PARP14: variants seen among roughly 807,000 people sequenced by gnomAD.
The protein encoded by PARP14 is protein mono-ADP-ribosyltransferase PARP14.
In PARP14, 59 loss-of-function variants were observed where a neutral mutation model predicts 154.2. That is an observed-to-expected ratio of 0.38 (90% CI 0.31 to 0.48). PARP14 has a LOEUF of 0.48. Among genes scored for constraint, PARP14 ranks in the 20% least tolerant of loss-of-function variants. PARP14 has a pLI of 0.98. For synonymous variants in PARP14, 720 were observed against 780.5 expected (o/e 0.92, Z 1.29); for missense variants, 1,734 against 2,131.6 (o/e 0.81, Z 3.67).
At chr3:122,719,031 A>G in intron 14 of PARP14, 73 bp downstream of exon 14, 2 of 1,351,166 alleles carry the variant, frequency 1.5e-6, no homozygotes, top group Non-Finnish European at 1.9e-6. Flanking sequence ...TGGTACGTAC[A>G]TCAGAATTTC....
At chr3:122,720,599 T>TAATCA in intron 15 of PARP14, 2 of 607,494 alleles carry the variant, frequency 3.3e-6, no homozygotes, top group South Asian at 3.7e-5. Context: ...TATTTGATTG[T>TAATCA]AATATGATAG....
At chr3:122,693,597 G>T (rs1360436641) in intron 4 of PARP14, among the ~76,000 whole-genome samples, 2 of 152,140 alleles carry the variant, frequency 1.3e-5, no homozygotes, top group Non-Finnish European at 2.9e-5. Flanking sequence ...CCAGCACTTT[G>T]GGAGGCCAAG....
At chr3:122,703,305 G>C (rs1377362351) in intron 6 of PARP14, among the ~76,000 whole-genome samples, 1 of 152,122 alleles carries the variant, frequency 6.6e-6, no homozygotes, top group Non-Finnish European at 1.5e-5. Context: ...TTTACCCCCA[G>C]TGTAACATTT....
chr3:122,699,595 A>G lies in PARP14; in HGVS notation c.1041A>G (p.Glu347=), dbSNP rs779744569. 1.3e-5 allele frequency: 21 copies of G among 1,613,866 alleles called. No homozygotes were observed. The highest frequency in any genetic ancestry group is 1.7e-5 in the Admixed American group (1 of 60,006). Residue 347 remains glutamate (E), a synonymous_variant, in exon 6 of 17, where the codon GAA becomes GAG. Transcript: ENST00000474629. The stretch of plus-strand genomic sequence containing the variant: ...ACCTCATTGAGGAGATAAACGATGA[A>G]ATGAGGCGTTGTCACTGTGAGCTCA... The part of the protein sequence containing the change: ...KNHLIEEIND[E]MRRCHCELTW...
Position 122,697,171 on chromosome 3 carries a change from C to T in PARP14, c.835+1509C>T, listed in dbSNP as rs540233390. On this transcript the variant is annotated intron_variant, in intron 5 of 16. Transcript: ENST00000474629. ...GTTTCGCCATGTTTCCCAGTCTGGTCTTGAACTCCTGGGCTCAAGCAATAC... is the reference window on the plus strand; with the variant it reads ...GTTTCGCCATGTTTCCCAGTCTGGTTTTGAACTCCTGGGCTCAAGCAATAC... Among the ~76,000 whole-genome samples, 8 of 152,244 alleles carry T rather than the reference C, an allele frequency of 5.3e-5. No individual in the cohort carries two copies. The East Asian group carries it at 5.8e-4, about 11-fold the overall frequency.
At chr3:122,685,427 C>A in intron 2 of PARP14, 109 bp downstream of exon 2, 1 of 1,028,900 alleles carries the variant, frequency 9.7e-7, no homozygotes, top group African/African-American at 1.6e-5. Context: ...AAGCAAACTG[C>A]AGCGAGAAAA....
Position 122,685,219 on chromosome 3 carries a change from G to A in PARP14, c.222G>A (p.Glu74=). The A allele has an allele frequency of 6.2e-7, 1 of 1,613,900 alleles. No homozygotes were observed. Among genetic ancestry groups the A allele is most frequent in the Non-Finnish European group, 8.5e-7 (1 of 1,179,836 alleles). ...RQKVLERKNH[E]LVWQGKGTFK... is the part of the protein sequence containing the mutation. The stretch of plus-strand genomic sequence containing the variant: ...AGGTTCTGGAGAGAAAAAATCATGA[G>A]TTGGTATGGCAAGGAAAAGGAACAT... Residue 74 remains glutamate, a synonymous_variant, in exon 2 of 17, where the codon GAG becomes GAA. Transcript: ENST00000474629.
chr3:122,717,472 G>A (rs1487301332), intron 12 of PARP14, among the ~76,000 whole-genome samples: 1 of 152,144 alleles, frequency 6.6e-6, no homozygotes, highest in African/African-American at 2.4e-5. Context: ...TGAGTGTGGA[G>A]GGAAAGGCTT....
chr3:122,701,277 C>T lies in PARP14; in HGVS notation c.2723C>T (p.Ala908Val). ...GCTGTGCAACTCAGTCTCTGTCTAG[C>T]CGAAAAATACAAGTACCGATCCATA... ...RRAVQLSLCLAEKYKYRSIAI... is the reference protein window; with the variant it reads ...RRAVQLSLCLVEKYKYRSIAI... The change falls in exon 6 of 17, where the codon GCC becomes GTC. Residue 908 changes from alanine (A) to valine (V), a missense_variant. This residue lies in a region of PARP14 where 1,646 missense variants were observed against 1,976.0 expected (regional missense o/e 0.83). Transcript: ENST00000474629. This position sits in a 1 kb window ranked among gnomAD's most constrained non-coding sequence, Gnocchi z 4.0. 1.2e-6 allele frequency: 2 copies of T among 1,613,924 alleles called. No individual in the cohort carries two copies. Among genetic ancestry groups the T allele is most frequent in the Non-Finnish European group, 1.7e-6 (2 of 1,179,854 alleles).
chr3:122,713,457 G>A lies in PARP14; in HGVS notation c.3653G>A (p.Gly1218Asp). Reference protein sequence around the residue: ...FYGTVSSPDSGVYEMKIGSII... With the variant: ...FYGTVSSPDSDVYEMKIGSII... The stretch of plus-strand genomic sequence containing the variant: ...GGGACTGTTTCTAGCCCTGATTCAG[G>A]TGTGTATGAAATGAAGATTGGCTCC... Residue 1218 changes from glycine to aspartate, a missense_variant, in exon 10 of 17, where the codon GGT (glycine) becomes GAT (aspartate). Gly to Asp is a moderately conservative substitution (Grantham distance 94, BLOSUM62 -1). This residue lies in a region of PARP14 where 1,646 missense variants were observed against 1,976.0 expected (regional missense o/e 0.83). Transcript: ENST00000474629. The A allele has an allele frequency of 6.2e-7, 1 of 1,613,652 alleles. No individual in the cohort carries two copies. Among genetic ancestry groups the A allele is most frequent in the South Asian group, 1.1e-5 (1 of 91,054 alleles).
At position 122,681,296 on chromosome 3, in the gene PARP14, C is replaced by CCGGAGGTGGCGG. The variant is rs1341956766; in HGVS notation, c.187+231_187+242dup. Among the ~76,000 whole-genome samples, 9 of 152,232 alleles carry CCGGAGGTGGCGG rather than the reference C, an allele frequency of 5.9e-5. No individual in the cohort carries two copies. The highest frequency in any genetic ancestry group is 1.3e-4 in the Non-Finnish European group (9 of 68,038). ...GCTTCCAGGCGCTTAATGGCGCGGC[C>CCGGAGGTGGCGG]CGGAGGTGGCGGCGGAACCGCGCAA... On this transcript the variant is annotated intron_variant, in intron 1 of 16. Transcript: ENST00000474629. The surrounding 1 kb of genome is among the most constrained non-coding windows in gnomAD (Gnocchi z 5.5).
At chr3:122,705,188 A>G (rs920215391) in intron 8 of PARP14, among the ~76,000 whole-genome samples, 3 of 152,242 alleles carry the variant, frequency 2.0e-5, no homozygotes, top group African/African-American at 7.2e-5. Flanking sequence ...CATAACCACA[A>G]TATTGTATCA....
At chr3:122,725,209 G>A (rs540822123) in intron 15 of PARP14, among the ~76,000 whole-genome samples, 5 of 152,238 alleles carry the variant, frequency 3.3e-5, no homozygotes, top group South Asian at 2.1e-4. Context: ...GGGCAAAGGC[G>A]CTCACTTCCC....
intron 12 of PARP14, among the ~76,000 whole-genome samples, chr3:122,715,076 C>T (rs926194235): frequency 4.0e-5 from 6 of 151,814 alleles, no homozygotes; most frequent in African/African-American, 7.3e-5. Context: ...ATAAGGATGG[C>T]GCTCTGGATT....
In PARP14 at chr3:122,728,478, C is replaced by A; in HGVS notation, c.5287C>A (p.Pro1763Thr). 6.2e-7 allele frequency: 1 copy of A among 1,613,818 alleles called. No homozygotes were observed. The highest frequency in any genetic ancestry group is 8.5e-7 in the Non-Finnish European group (1 of 1,179,786). The change falls in exon 17 of 17, where the codon CCT (proline) becomes ACT (threonine). Residue 1763 changes from proline (P) to threonine (T), a missense_variant. Physicochemically the swap from Pro to Thr is conservative, Grantham distance 38. Transcript: ENST00000474629. ...HSLIVPPSKN[P>T]QNPTDLYDTV... ...ATTAATTGTGCCTCCTTCAAAGAAC[C>A]CTCAAAATCCTACTGACCTGTATGA...
intron 10 of PARP14, 129 bp from the exon 11 acceptor site, chr3:122,713,740 CTTT>C (rs1292972446): frequency 1.6e-5 from 14 of 871,554 alleles, no homozygotes; most frequent in Non-Finnish European, 2.4e-5. Flanking sequence ...AAGTTTTCTT[CTTT>C]GTCATCAGCA....
chr3:122,711,060 C>A (rs1939307938), intron 9 of PARP14, among the ~76,000 whole-genome samples: 1 of 152,062 alleles, frequency 6.6e-6, no homozygotes, highest in African/African-American at 2.4e-5. Context: ...TCCTCTTTTC[C>A]AGTTTGGATG....
Position 122,701,541 on chromosome 3 carries a change from C to G in PARP14, c.2987C>G (p.Ala996Gly). The G allele has an allele frequency of 1.2e-6, 2 of 1,611,654 alleles. No homozygotes were observed. Among genetic ancestry groups the G allele is most frequent in the Non-Finnish European group, 1.7e-6 (2 of 1,178,686 alleles). ...AAPPGLPPAA[A>G]GPGKTSWEKG... Reference sequence around the variant, plus strand: ...CCGCCAGGTTTACCACCAGCAGCAGCGGGGCCTGGGAAAACATCATGGGAA... The same window carrying G: ...CCGCCAGGTTTACCACCAGCAGCAGGGGGGCCTGGGAAAACATCATGGGAA... Residue 996 changes from alanine to glycine, a missense_variant, in exon 6 of 17, where the codon GCG (alanine) becomes GGG (glycine). Physicochemically the swap from Ala to Gly is moderately conservative, Grantham distance 60 (BLOSUM62 0). This residue lies in a region of PARP14 where 1,646 missense variants were observed against 1,976.0 expected (regional missense o/e 0.83). Coordinates refer to ENST00000474629, the MANE Select transcript of PARP14 (RefSeq NM_017554.3). This position sits in a 1 kb window ranked among gnomAD's most constrained non-coding sequence, Gnocchi z 4.0.
Position 122,700,145 on chromosome 3 carries a change from A to G in PARP14, c.1591A>G (p.Met531Val). The G allele has an allele frequency of 6.2e-7, 1 of 1,613,658 alleles. No individual in the cohort carries two copies. The highest frequency in any genetic ancestry group is 8.5e-7 in the Non-Finnish European group (1 of 1,179,702). Residue 531 changes from methionine (M) to valine (V), a missense_variant, in exon 6 of 17, where the codon ATG (methionine) becomes GTG (valine). Met to Val is a conservative substitution (Grantham distance 21). Transcript: ENST00000474629. Reference protein sequence around the residue: ...KCEIQEKVYTMAQKNIQVSPE... With the variant: ...KCEIQEKVYTVAQKNIQVSPE... Reference sequence around the variant, plus strand: ...TGAAATCCAGGAAAAGGTGTACACCATGGCTCAGAAAAACATTCAGGTTTC... The same window carrying G: ...TGAAATCCAGGAAAAGGTGTACACCGTGGCTCAGAAAAACATTCAGGTTTC...
Sources: gnomAD v4.1 joint callset for allele counts (sites outside exome capture counted in the v4.1 genomes callset) on GRCh38, gnomAD v4.1.1 for gene constraint, gnomAD v4.1.1 regional missense constraint, Gnocchi (gnomAD v3.1) non-coding constraint, MANE v1.5 for transcripts, NCBI Gene and HGNC (gene_info 2026-07-23, HGNC 2026-07-21) for gene names.